Variants in DECR1 observed in about 807,000 individuals in gnomAD.
The protein encoded by DECR1 is 2,4-dienoyl-CoA reductase [(3E)-enoyl-CoA-producing], mitochondrial.
A neutral mutation model predicts 38.8 loss-of-function variants in DECR1; 44 were observed. That is an observed-to-expected ratio of 1.13 (90% CI 0.89 to 1.46). DECR1 has a LOEUF of 1.46. Ranked by LOEUF, DECR1 falls within the 40% of genes most tolerant of loss-of-function variation. The pLI is 0.00. For synonymous variants in DECR1, 148 were observed against 135.2 expected, an observed-to-expected ratio of 1.09 and a Z score of -0.66; for missense variants, 428 against 405.5, an observed-to-expected ratio of 1.06 and a Z score of -0.48.
chr8:90,037,089 A>C, intron 6 of DECR1, 149 bp downstream of exon 6: 1 of 605,020 alleles, frequency 1.7e-6, no homozygotes, highest in Non-Finnish European at 2.9e-6. Flanking sequence ...TCTCCCAGAT[A>C]AGTCCTATTT....
At chr8:90,025,916 G>A (rs951994787) in intron 5 of DECR1, among the ~76,000 whole-genome samples, 1 of 152,158 alleles carries the variant, frequency 6.6e-6, no homozygotes, top group Non-Finnish European at 1.5e-5. Context: ...AATTTATTGA[G>A]AGTTTTTAGC....
At chr8:90,015,657 G>A (rs1404215425) in intron 1 of DECR1, 1 of 456,366 alleles carries the variant, frequency 2.2e-6, no homozygotes, top group Admixed American at 2.3e-5. Flanking sequence ...GAATACTCTG[G>A]AAGGAAATGG....
intron 7 of DECR1, 32 bp downstream of exon 7, chr8:90,042,832 G>A: frequency 6.5e-7 from 1 of 1,545,482 alleles, no homozygotes; most frequent in South Asian, 1.1e-5. Context: ...ATCACATTGT[G>A]AATGATTAAA....
At chr8:90,042,477 TAGA>T (rs1813785529) in intron 6 of DECR1, 1 of 503,308 alleles carries the variant, frequency 2.0e-6, no homozygotes, top group South Asian at 2.4e-5. Flanking sequence ...GGTTGTACAG[TAGA>T]GTGACTAAGG....
intron 1 of DECR1, chr8:90,016,900 A>G (rs1161186784): frequency 2.2e-6 from 1 of 448,464 alleles, no homozygotes; most frequent in African/African-American, 2.0e-5. Flanking sequence ...TGAAAGTTAC[A>G]TAGCTTGGGA....
chr8:90,026,610 C>A (rs1352921328), intron 5 of DECR1, among the ~76,000 whole-genome samples: 2 of 152,056 alleles, frequency 1.3e-5, no homozygotes, highest in Non-Finnish European at 1.5e-5. Context: ...TGATTCTTCT[C>A]TCTTTTCTTC....
chr8:90,040,838 G>T (rs1813744043), intron 6 of DECR1, among the ~76,000 whole-genome samples: 1 of 152,178 alleles, frequency 6.6e-6, no homozygotes, highest in Non-Finnish European at 1.5e-5. Flanking sequence ...ATTCCATGGT[G>T]TATATGTGCC....
intron 8 of DECR1, among the ~76,000 whole-genome samples, chr8:90,046,792 T>G (rs1369538382): frequency 6.6e-6 from 1 of 152,138 alleles, no homozygotes. Flanking sequence ...GAGAGAAAGG[T>G]CAGGTTACCC....
intron 7 of DECR1, 134 bp from the exon 8 acceptor site, chr8:90,044,715 A>C (rs113136847): frequency 1.2e-6 from 1 of 814,726 alleles, no homozygotes; most frequent in Non-Finnish European, 1.8e-6. Context: ...AATTTGGTGA[A>C]ATTCTTTTTT....
intron 2 of DECR1, among the ~76,000 whole-genome samples, chr8:90,017,934 T>C (rs1460607249): frequency 1.3e-5 from 2 of 152,248 alleles, no homozygotes; most frequent in Non-Finnish European, 2.9e-5. Flanking sequence ...TCGCCCAGGC[T>C]GGAGTGCAGT....
intron 5 of DECR1, among the ~76,000 whole-genome samples, chr8:90,031,986 A>G (rs569244849): frequency 1.3e-5 from 2 of 152,310 alleles, no homozygotes; most frequent in Non-Finnish European, 2.9e-5. Flanking sequence ...TGGGGACCAC[A>G]AATGACCACA....
At chr8:90,047,826 C>A (rs906359775) in intron 8 of DECR1, among the ~76,000 whole-genome samples, 2 of 152,198 alleles carry the variant, frequency 1.3e-5, no homozygotes. Context: ...GAAATTATAA[C>A]AAACTGTCTC....
intron 6 of DECR1, 91 bp downstream of exon 6, chr8:90,037,031 A>G: frequency 1.2e-6 from 1 of 848,590 alleles, no homozygotes; most frequent in Non-Finnish European, 1.9e-6. Flanking sequence ...GTGTCCATCC[A>G]GAGAAAAGTA....
chr8:90,018,950 C>T lies in DECR1; in HGVS notation c.314C>T (p.Ser105Phe), dbSNP rs1462691561. 16 of 1,593,928 alleles carry T rather than the reference C, an allele frequency of 1.0e-5. No individual in the cohort carries two copies. The highest frequency in any genetic ancestry group is 5.1e-5 in the Admixed American group (3 of 58,860). Residue 105 changes from serine (S) to phenylalanine (F), a missense_variant, in exon 3 of 10, where the codon TCT becomes TTT. Transcript: ENST00000220764. ...AAAGCTACCGCAGAACAAATTTCTTCTCAAACTGGAAATAAGGTACATTAA... is the reference window on the plus strand; with the variant it reads ...AAAGCTACCGCAGAACAAATTTCTTTTCAAACTGGAAATAAGGTACATTAA... Reference protein sequence around the residue: ...VLKATAEQISSQTGNKVHAIQ... With the variant: ...VLKATAEQISFQTGNKVHAIQ...
At chr8:90,029,205 A>G (rs1015157303) in intron 5 of DECR1, 1 of 152,214 alleles carries the variant, frequency 6.6e-6, no homozygotes, top group African/African-American at 2.4e-5. Flanking sequence ...ACTTGATAAT[A>G]AATTACTACT....
In DECR1 at chr8:90,017,180, A is replaced by G. The variant is rs1813028944; in HGVS notation, c.126A>G (p.Lys42=). 6.2e-7 allele frequency: 1 copy of G among 1,614,196 alleles called. No homozygotes were observed. The highest frequency in any genetic ancestry group is 8.5e-7 in the Non-Finnish European group (1 of 1,180,006). The part of the protein sequence containing the change: ...LYQNTEALQS[K]FFSPLQKAML... ...AAAACACTGAAGCTTTGCAATCTAAATTCTTTTCACCTCTTCAAAAAGCGA... is the reference window on the plus strand; with the variant it reads ...AAAACACTGAAGCTTTGCAATCTAAGTTCTTTTCACCTCTTCAAAAAGCGA... The change falls in exon 2 of 10, where the codon AAA becomes AAG. Residue 42 remains lysine (K), a synonymous_variant. Transcript: ENST00000220764.
At position 90,052,520 on chromosome 8, in the gene DECR1, A is replaced by G. The variant is rs1404932171; in HGVS notation, c.*623A>G. Reference sequence around the variant, plus strand: ...AAACTTATAAATAATTATTTATGATACATTGTGATAAGTATTATTCCAGCA... The same window carrying G: ...AAACTTATAAATAATTATTTATGATGCATTGTGATAAGTATTATTCCAGCA... On this transcript the variant is annotated 3_prime_UTR_variant, in exon 10 of 10. Coordinates refer to ENST00000220764, the MANE Select transcript of DECR1 (RefSeq NM_001359.2). Among the ~76,000 whole-genome samples the G allele has an allele frequency of 6.6e-6, 1 of 152,144 alleles. No individual in the cohort carries two copies. Among genetic ancestry groups the G allele is most frequent in the Non-Finnish European group, 1.5e-5 (1 of 68,016 alleles).
intron 1 of DECR1, among the ~76,000 whole-genome samples, chr8:90,008,362 C>T (rs1027999562): frequency 6.6e-6 from 1 of 152,236 alleles, no homozygotes; most frequent in African/African-American, 2.4e-5. Context: ...GTTGTCTTCT[C>T]TTAATTTCTA....
At chr8:90,034,995 T>C (rs1940890435) in intron 5 of DECR1, among the ~76,000 whole-genome samples, 1 of 152,194 alleles carries the variant, frequency 6.6e-6, no homozygotes, top group African/African-American at 2.4e-5. Flanking sequence ...GGATATGGAA[T>C]TCAGAGTTAA....
Sources: gnomAD v4.1 joint callset for allele counts (sites outside exome capture counted in the v4.1 genomes callset) on GRCh38, gnomAD v4.1.1 for gene constraint, MANE v1.5 for transcripts, NCBI Gene and HGNC (gene_info 2026-07-23, HGNC 2026-07-21) for gene names.